Variants in EXOC2 observed in about 807,000 individuals in gnomAD.
EXOC2 encodes the protein SEC5-like 1.
Under a neutral mutation model 131.8 loss-of-function variants are expected in EXOC2, and 70 were observed. The ratio of observed to expected loss-of-function variants is 0.53; its 90% CI spans 0.44 to 0.65. EXOC2 has a LOEUF of 0.65. EXOC2 is among the 30% of genes least tolerant of loss of function. The pLI is 0.00. For synonymous variants in EXOC2, 411 were observed against 398.4 expected (o/e 1.03, Z -0.38); for missense variants, 923 against 1,108.6 (o/e 0.83, Z 2.38).
At chr6:606,683 T>C (rs754908879) in intron 7 of EXOC2, among the ~76,000 whole-genome samples, 14 of 152,230 alleles carry the variant, frequency 9.2e-5, no homozygotes, top group Non-Finnish European at 1.3e-4. Flanking sequence ...TCTCTGAGCA[T>C]TGCTTCCTTT....
intron 3 of EXOC2, 22 bp downstream of exon 3, chr6:632,919 A>G: frequency 6.3e-7 from 1 of 1,592,336 alleles, no homozygotes; most frequent in Non-Finnish European, 8.6e-7. Flanking sequence ...CTTCTTTAGA[A>G]TAAACCCATG....
intron 22 of EXOC2, among the ~76,000 whole-genome samples, chr6:534,429 GAGAC>G (rs1404991377): frequency 1.4e-5 from 2 of 142,874 alleles, no homozygotes; most frequent in Non-Finnish European, 3.0e-5. Context: ...AAATGAGAGA[GAGAC>G]AGAGAGAGAG....
chr6:598,058 T>C lies in EXOC2; in HGVS notation c.1036A>G (p.Thr346Ala). ...TTTTGGTCATGTAAAGTTGATGGTGTCTCAAGCAATTTATCCAGAAGTAAT... is the reference window on the plus strand; with the variant it reads ...TTTTGGTCATGTAAAGTTGATGGTGCCTCAAGCAATTTATCCAGAAGTAAT... ...RELLLDKLLE[T>A]PSTLHDQKRY... The change falls in exon 10 of 28, where the codon ACA (threonine) becomes GCA (alanine). Residue 346 changes from threonine (T) to alanine (A), a missense_variant. Coordinates refer to ENST00000230449, the MANE Select transcript of EXOC2 (RefSeq NM_018303.6). 6.2e-7 allele frequency: 1 copy of C among 1,613,920 alleles called. No homozygotes were observed. The highest frequency in any genetic ancestry group is 1.1e-5 in the South Asian group (1 of 91,012).
intron 1 of EXOC2, among the ~76,000 whole-genome samples, chr6:691,950 C>CA (rs908389562): frequency 1.1e-4 from 17 of 152,186 alleles, no homozygotes; most frequent in African/African-American, 2.9e-4. Context: ...ACTTTTAGCA[C>CA]AAAAAAATCA....
intron 1 of EXOC2, among the ~76,000 whole-genome samples, chr6:652,722 G>A (rs1762888201): frequency 6.6e-6 from 1 of 152,118 alleles, no homozygotes; most frequent in Non-Finnish European, 1.5e-5. Context: ...GAAGGGAAGA[G>A]GATGAATGGA....
intron 1 of EXOC2, among the ~76,000 whole-genome samples, chr6:662,219 C>T (rs146543401): frequency 0.019 from 2,857 of 152,260 alleles, 36 homozygotes; most frequent in Middle Eastern, 0.051. Context: ...GACTTCAATA[C>T]TCCACTGACA....
At position 495,899 on chromosome 6, in the gene EXOC2, TC is replaced by T. The variant is rs992599504; in HGVS notation, c.2559+1467del. Among the ~76,000 whole-genome samples, 57 of 151,814 alleles carry T rather than the reference TC, an allele frequency of 3.8e-4. 1 individual carries two copies. The highest frequency in any genetic ancestry group is 1.4e-3 in the African/African-American group (56 of 41,084). On this transcript the variant is annotated intron_variant, in intron 25 of 27. Coordinates refer to ENST00000230449, the MANE Select transcript of EXOC2 (RefSeq NM_018303.6). The stretch of plus-strand genomic sequence containing the variant: ...GGGTCGAGAGCTCCGCTTGCTTTTT[TC>T]CCCCAATTATCCTTATTTCTGTTGT...
At chr6:684,804 A>T (rs1764568679) in intron 1 of EXOC2, among the ~76,000 whole-genome samples, 1 of 152,236 alleles carries the variant, frequency 6.6e-6, no homozygotes, top group South Asian at 2.1e-4. Flanking sequence ...AAAGAAAAAA[A>T]TCAGAAATGA....
At chr6:537,901 T>C (rs978763701) in intron 22 of EXOC2, among the ~76,000 whole-genome samples, 1 of 152,218 alleles carries the variant, frequency 6.6e-6, no homozygotes, top group African/African-American at 2.4e-5. Flanking sequence ...AGATAGCAGC[T>C]GGAACGTTGC....
Position 596,006 on chromosome 6 carries a change from C to T in EXOC2, c.1073+2015G>A, listed in dbSNP as rs144754308. Among the ~76,000 whole-genome samples, 153 of 152,222 alleles carry T rather than the reference C, an allele frequency of 1.0e-3. 4 individuals carry two copies. The highest frequency in any genetic ancestry group is 3.4e-3 in the African/African-American group (140 of 41,468). On this transcript the variant is annotated intron_variant, in intron 10 of 27. Coordinates refer to ENST00000230449, the MANE Select transcript of EXOC2 (RefSeq NM_018303.6). ...GGGCTCTGAAGCCAAACAGGCGTCCCGTCCCCCGGGTCACTGTGTGTGCTG... is the reference window on the plus strand; with the variant it reads ...GGGCTCTGAAGCCAAACAGGCGTCCTGTCCCCCGGGTCACTGTGTGTGCTG...
intron 1 of EXOC2, among the ~76,000 whole-genome samples, chr6:663,742 T>C (rs1763517141): frequency 6.6e-6 from 1 of 152,134 alleles, no homozygotes; most frequent in African/African-American, 2.4e-5. Flanking sequence ...CAACTTCCCT[T>C]TATAATTAAA....
chr6:599,854 GT>G (rs11354127), intron 7 of EXOC2, among the ~76,000 whole-genome samples: 16,786 of 146,036 alleles, frequency 0.11, 1,733 homozygotes, highest in African/African-American at 0.28. Context: ...CATTTCCTAA[GT>G]TTTTTTTTTT....
intron 21 of EXOC2, among the ~76,000 whole-genome samples, chr6:551,861 CT>C (rs1757161065): frequency 1.3e-5 from 2 of 152,354 alleles, no homozygotes; most frequent in Admixed American, 1.3e-4. Flanking sequence ...CTGATTAACC[CT>C]TTTCAGGGCA....
intron 7 of EXOC2, among the ~76,000 whole-genome samples, chr6:609,244 T>C (rs1172358775): frequency 6.6e-6 from 1 of 152,220 alleles, no homozygotes; most frequent in Non-Finnish European, 1.5e-5. Flanking sequence ...TAGCTTCACA[T>C]CACAGCCTTA....
intron 1 of EXOC2, among the ~76,000 whole-genome samples, chr6:652,614 AT>A (rs780912396): frequency 2.3e-4 from 35 of 152,232 alleles, no homozygotes; most frequent in African/African-American, 7.5e-4. Context: ...TCACTATACC[AT>A]CCTTTTATAA....
chr6:559,401 T>C (rs1757584166), intron 17 of EXOC2, among the ~76,000 whole-genome samples: 3 of 152,168 alleles, frequency 2.0e-5, no homozygotes, highest in African/African-American at 7.2e-5. Flanking sequence ...CGTTTTCTCT[T>C]AAGAGGTCCA....
rs1295444806 is a variant in EXOC2 at position 488,963 on chromosome 6, A to C, written c.2681+16T>G. On this transcript the variant is annotated intron_variant, in intron 27 of 27. Coordinates refer to ENST00000230449, the MANE Select transcript of EXOC2 (RefSeq NM_018303.6). ...GCACATTCAACTGGCTCCTAAGAAC[A>C]GCACACAGGACTTACTTTTTATCTG... 6.2e-7 allele frequency: 1 copy of C among 1,612,826 alleles called. No individual in the cohort carries two copies. Among genetic ancestry groups the C allele is most frequent in the Admixed American group, 1.7e-5 (1 of 59,896 alleles).
intron 1 of EXOC2, chr6:656,780 C>A: frequency 1.9e-6 from 3 of 1,600,176 alleles, no homozygotes; most frequent in Non-Finnish European, 2.6e-6. Flanking sequence ...GCACCTCGCA[C>A]CACAGCCTGG....
chr6:603,476 G>A (rs890223247), intron 7 of EXOC2, among the ~76,000 whole-genome samples: 1 of 152,132 alleles, frequency 6.6e-6, no homozygotes, highest in African/African-American at 2.4e-5. Flanking sequence ...ACGTCAGCAC[G>A]TACCCCTCTC....
Sources: allele counts gnomAD v4.1 joint callset (sites outside exome capture counted in the v4.1 genomes callset), GRCh38; gene constraint gnomAD v4.1.1; transcripts MANE v1.5; gene names NCBI Gene and HGNC (gene_info 2026-07-23, HGNC 2026-07-21).